Variants in SEPTIN2 observed in about 807,000 individuals in gnomAD.
SEPTIN2 encodes the protein septin 2, also known as septin-2.
A neutral mutation model predicts 46.5 loss-of-function variants in SEPTIN2; 34 were observed. The observed-to-expected ratio is 0.73, with a 90% CI of 0.56 to 0.97. The LOEUF (loss-of-function observed/expected upper bound fraction) is 0.97, where lower values mean the gene tolerates loss of function less well. SEPTIN2 is among the 50% of genes least tolerant of loss of function. The pLI, the probability that SEPTIN2 is intolerant of heterozygous loss-of-function variation, is 0.00. For missense variants in SEPTIN2, 347 were observed against 448.4 expected, an observed-to-expected ratio of 0.77 and a Z score of 2.04; for synonymous variants, 175 against 153.4, an observed-to-expected ratio of 1.14 and a Z score of -1.04.
chr2:241,320,840 C>G (rs2077013349), intron 1 of SEPTIN2, among the ~76,000 whole-genome samples: 1 of 151,574 alleles, frequency 6.6e-6, no homozygotes, highest in South Asian at 2.1e-4. Context: ...TTCTTTTTCC[C>G]CCCCTCATAA....
chr2:241,316,418 T>C (rs1002400208), intron 1 of SEPTIN2: 5 of 1,126,508 alleles, frequency 4.4e-6, no homozygotes, highest in Non-Finnish European at 6.0e-6. Context: ...ATTTCCTCCC[T>C]GAGGCGTGGA....
intron 3 of SEPTIN2, among the ~76,000 whole-genome samples, chr2:241,333,138 TAGG>T (rs2079291149): frequency 6.6e-6 from 1 of 151,994 alleles, no homozygotes; most frequent in African/African-American, 2.4e-5. Flanking sequence ...ATAAAACAGG[TAGG>T]GGGTTGAGGG....
rs1335750586 is a variant in SEPTIN2, at chr2:241,343,214, T to G, written c.696+121T>G. 2.0e-5 allele frequency: 13 copies of G among 660,546 alleles called. 1 individual carries two copies. Among genetic ancestry groups the G allele is most frequent in the African/African-American group, 7.3e-5 (4 of 55,136 alleles). 40.9% of individuals were successfully genotyped at this position (660,546 alleles called of 1,614,324 possible). On this transcript the variant is annotated intron_variant, in intron 8 of 12. Transcript: ENST00000391971. The stretch of plus-strand genomic sequence containing the variant: ...GAGTATTTTTGCTTTCAATATATTT[T>G]AAGACCTCATGCAGTGGCTCATGCC...
intron 7 of SEPTIN2, among the ~76,000 whole-genome samples, chr2:241,338,906 A>T (rs1396944000): frequency 6.3e-5 from 5 of 79,570 alleles, no homozygotes; most frequent in African/African-American, 2.4e-4. Flanking sequence ...TATATATTAT[A>T]TATAATATAT....
At chr2:241,324,952 C>A in intron 2 of SEPTIN2, 1 of 146,746 alleles carries the variant, frequency 6.8e-6, no homozygotes. Context: ...GTTAACATTG[C>A]AAGATTATTA....
chr2:241,345,274 G>T (rs902730931), intron 9 of SEPTIN2, among the ~76,000 whole-genome samples: 3 of 152,224 alleles, frequency 2.0e-5, no homozygotes, highest in African/African-American at 7.2e-5. Flanking sequence ...GCAATTTGTA[G>T]TGAGTTAAAA....
intron 1 of SEPTIN2, chr2:241,316,746 C>T (rs946838853): frequency 2.7e-5 from 12 of 438,340 alleles, no homozygotes; most frequent in African/African-American, 1.4e-4. Context: ...CAGACCTTGT[C>T]CTCTCTCCAC....
At chr2:241,324,940 T>C (rs761918742) in intron 2 of SEPTIN2, 10 of 151,378 alleles carry the variant, frequency 6.6e-5, no homozygotes, top group South Asian at 2.1e-4. Flanking sequence ...GCAGAACTTG[T>C]GGTTAACATT....
chr2:241,335,926 C>G (rs375338910), intron 4 of SEPTIN2, 49 bp from the exon 5 acceptor site: 5 of 1,613,610 alleles, frequency 3.1e-6, no homozygotes, highest in Non-Finnish European at 4.2e-6. Flanking sequence ...CGTGAGCTTT[C>G]CTCTTCACAT....
intron 10 of SEPTIN2, 109 bp downstream of exon 10, chr2:241,346,358 GTTTCC>G: frequency 1.5e-6 from 1 of 685,236 alleles, no homozygotes; most frequent in South Asian, 2.5e-5. Context: ...ACATGGTTTG[GTTTCC>G]TACTCAAAAG....
intron 4 of SEPTIN2, 59 bp from the exon 5 acceptor site, chr2:241,335,916 C>A: frequency 6.2e-7 from 1 of 1,612,500 alleles, no homozygotes; most frequent in African/African-American, 1.3e-5. Flanking sequence ...GTCGTAAGAA[C>A]GTGAGCTTTC....
intron 10 of SEPTIN2, 52 bp downstream of exon 10, chr2:241,346,301 TTCC>T (rs779995060): frequency 2.1e-6 from 3 of 1,400,384 alleles, no homozygotes; most frequent in Admixed American, 1.7e-5. Flanking sequence ...AGCCACAATG[TTCC>T]TCCTCCTCTA....
chr2:241,348,703 C>T (rs916951716), intron 11 of SEPTIN2, among the ~76,000 whole-genome samples: 3 of 151,948 alleles, frequency 2.0e-5, no homozygotes, highest in African/African-American at 7.3e-5. Flanking sequence ...ATTTACATAG[C>T]ATACATGATG....
chr2:241,318,070 A>G (rs2076628759), intron 1 of SEPTIN2, among the ~76,000 whole-genome samples: 1 of 151,962 alleles, frequency 6.6e-6, no homozygotes, highest in Admixed American at 6.6e-5. Flanking sequence ...TCCATTTCAC[A>G]TTAGTTAATA....
chr2:241,346,242 GGCGGCAGGTCATCACAC>G lies in SEPTIN2; in HGVS notation c.920_926+10del, dbSNP rs750188577. The G allele has an allele frequency of 6.2e-7, 1 of 1,613,676 alleles. No individual in the cohort carries two copies. On this transcript the variant is annotated splice_donor_variant and splice_donor_5th_base_variant and coding_sequence_variant and intron_variant, in exon 10 of 13. Transcript: ENST00000391971. LOFTEE classifies it high-confidence loss of function. ...CTTCCGTTCTGAGAGACTCAAGAGA[GGCGGCAGGTCATCACAC>G]TGTGCCCCTTTCTCTGTATTGTGTC...
chr2:241,342,209 C>T (rs2081339850), intron 7 of SEPTIN2, among the ~76,000 whole-genome samples: 2 of 152,146 alleles, frequency 1.3e-5, no homozygotes, highest in African/African-American at 4.8e-5. Flanking sequence ...CCCATGTGTC[C>T]TCTCTGTGCC....
intron 7 of SEPTIN2, among the ~76,000 whole-genome samples, chr2:241,339,335 T>C (rs1335650677): frequency 1.3e-5 from 2 of 150,344 alleles, no homozygotes; most frequent in African/African-American, 4.9e-5. Flanking sequence ...AGAGGTTGTT[T>C]GCAGTCCAGC....
At position 241,326,024 on chromosome 2, in the gene SEPTIN2, C is replaced by T; in HGVS notation, c.41C>T (p.Thr14Ile). The T allele has an allele frequency of 6.2e-7, 1 of 1,613,294 alleles. No individual in the cohort carries two copies. The highest frequency in any genetic ancestry group is 8.5e-7 in the Non-Finnish European group (1 of 1,179,598). ...QQPTQFINPE[T>I]PGYVGFANLP... ...CCAACTCAGTTTATAAATCCAGAAA[C>T]ACCTGGCTATGTTGGATTTGCAAAC... The change falls in exon 3 of 13, where the codon ACA (threonine) becomes ATA (isoleucine). Residue 14 changes from threonine (T) to isoleucine (I), a missense_variant. Physicochemically the swap from Thr to Ile is moderately conservative, Grantham distance 89. Coordinates refer to ENST00000391971, the MANE Select transcript of SEPTIN2 (RefSeq NM_004404.5).
chr2:241,323,146 G>T (rs549017232), intron 1 of SEPTIN2, among the ~76,000 whole-genome samples: 2 of 151,280 alleles, frequency 1.3e-5, no homozygotes, highest in African/African-American at 4.9e-5. Context: ...GATTACAGGC[G>T]TCAGCCACTG....
Sources: allele counts gnomAD v4.1 joint callset (sites outside exome capture counted in the v4.1 genomes callset), GRCh38; gene constraint gnomAD v4.1.1; transcripts MANE v1.5; gene names NCBI Gene and HGNC (gene_info 2026-07-23, HGNC 2026-07-21).